Variants in COL25A1 observed in about 807,000 individuals in gnomAD.
The protein encoded by COL25A1 is collagen type XXV alpha 1 chain.
COL25A1 carries 103 observed loss-of-function variants against 128.4 expected under a neutral mutation model. The ratio of observed to expected loss-of-function variants is 0.80; its 90% confidence interval spans 0.68 to 0.94. The LOEUF (loss-of-function observed/expected upper bound fraction) is 0.94, where lower values mean the gene tolerates loss of function less well. COL25A1 is among the 40% of genes least tolerant of loss of function. COL25A1 has a pLI of 0.00. For missense variants in COL25A1, 745 were observed against 840.0 expected, an observed-to-expected ratio of 0.89 and a Z score of 1.40; for synonymous variants, 279 against 277.2, an observed-to-expected ratio of 1.01 and a Z score of -0.06.
At chr4:108,818,858 C>T (rs960895177) in intron 36 of COL25A1, among the ~76,000 whole-genome samples, 4 of 109,572 alleles carry the variant, frequency 3.7e-5, no homozygotes, top group Non-Finnish European at 8.7e-5. Flanking sequence ...GGCAGAAATA[C>T]CTTTTTTTTT....
chr4:109,183,045 A>T (rs1774813148), intron 3 of COL25A1, among the ~76,000 whole-genome samples: 1 of 152,090 alleles, frequency 6.6e-6, no homozygotes, highest in Non-Finnish European at 1.5e-5. Flanking sequence ...AAATATTTTA[A>T]ACTAGGATTA....
chr4:109,108,165 T>A (rs1440360704), intron 3 of COL25A1, among the ~76,000 whole-genome samples: 1 of 152,216 alleles, frequency 6.6e-6, no homozygotes. Context: ...TATCTCCTAA[T>A]GCTATCCCTT....
chr4:109,110,128 G>C (rs188086100), intron 3 of COL25A1, among the ~76,000 whole-genome samples: 2 of 152,186 alleles, frequency 1.3e-5, no homozygotes, highest in African/African-American at 4.8e-5. Flanking sequence ...TAGTACAGGA[G>C]GGATGTTCAA....
At chr4:109,264,294 G>A (rs1781647664) in intron 3 of COL25A1, among the ~76,000 whole-genome samples, 1 of 152,218 alleles carries the variant, frequency 6.6e-6, no homozygotes, top group Non-Finnish European at 1.5e-5. Context: ...ACCTCAGCCT[G>A]TTAGCCATGC....
chr4:109,004,807 C>T (rs139344124), intron 6 of COL25A1, among the ~76,000 whole-genome samples: 398 of 152,254 alleles, frequency 2.6e-3, no homozygotes, highest in African/African-American at 9.2e-3. Context: ...GCCTGCAGTA[C>T]CGTGAGCCAG....
chr4:109,093,505 T>C (rs2126011847), intron 3 of COL25A1, among the ~76,000 whole-genome samples: 1 of 147,700 alleles, frequency 6.8e-6, no homozygotes, highest in Non-Finnish European at 1.5e-5. Flanking sequence ...ACTGTGGTGG[T>C]GTGCCTCTGT....
chr4:108,868,829 G>C (rs1738293988), intron 20 of COL25A1, among the ~76,000 whole-genome samples: 1 of 142,218 alleles, frequency 7.0e-6, no homozygotes, highest in Non-Finnish European at 1.5e-5. Flanking sequence ...AGGAAGGAAG[G>C]AATGAAGGAA....
chr4:109,167,516 A>C (rs1355963892), intron 3 of COL25A1, among the ~76,000 whole-genome samples: 4 of 152,172 alleles, frequency 2.6e-5, no homozygotes, highest in Non-Finnish European at 5.9e-5. Flanking sequence ...TATCATTATG[A>C]CATTTCTCTC....
intron 32 of COL25A1, among the ~76,000 whole-genome samples, chr4:108,830,777 C>T (rs552705381): frequency 5.2e-5 from 8 of 152,384 alleles, no homozygotes; most frequent in Middle Eastern, 3.4e-3. Context: ...ACGGTAAACC[C>T]TCTTGAGCCC....
At chr4:109,249,201 CA>C (rs1780485141) in intron 3 of COL25A1, among the ~76,000 whole-genome samples, 1 of 152,168 alleles carries the variant, frequency 6.6e-6, no homozygotes, top group South Asian at 2.1e-4. Context: ...TAAATTCTTA[CA>C]GCACTCTATT....
At chr4:109,224,616 G>A (rs1778659447) in intron 3 of COL25A1, among the ~76,000 whole-genome samples, 2 of 152,122 alleles carry the variant, frequency 1.3e-5, no homozygotes, top group African/African-American at 4.8e-5. Context: ...CAGTAGAAGA[G>A]TGATTCTCAA....
At chr4:109,138,332 C>T (rs1394057908) in intron 3 of COL25A1, among the ~76,000 whole-genome samples, 1 of 152,192 alleles carries the variant, frequency 6.6e-6, no homozygotes, top group Non-Finnish European at 1.5e-5. Context: ...TTTTTCATCA[C>T]TGCATAGTAT....
intron 21 of COL25A1, 130 bp downstream of exon 21, chr4:108,863,189 G>C (rs1432775784): frequency 1.2e-6 from 1 of 826,106 alleles, no homozygotes; most frequent in Non-Finnish European, 2.0e-6. Flanking sequence ...GAACCAGTTG[G>C]TGTGCATTTC....
chr4:108,976,136 A>G (rs981231606), intron 6 of COL25A1, among the ~76,000 whole-genome samples: 1 of 152,114 alleles, frequency 6.6e-6, no homozygotes, highest in East Asian at 1.9e-4. Context: ...GCCTACTTCA[A>G]TGTCATAAAG....
intron 20 of COL25A1, 39 bp downstream of exon 20, chr4:108,869,049 G>A: frequency 7.7e-7 from 1 of 1,300,240 alleles, no homozygotes; most frequent in African/African-American, 1.5e-5. Context: ...AAGAAAGAAA[G>A]AAAAAGAAAG....
chr4:109,081,918 G>A (rs1763872531), intron 3 of COL25A1, among the ~76,000 whole-genome samples: 1 of 152,022 alleles, frequency 6.6e-6, no homozygotes, highest in Admixed American at 6.6e-5. Context: ...TAGCCAGGCT[G>A]GTCTCGAACT....
intron 3 of COL25A1, among the ~76,000 whole-genome samples, chr4:109,067,282 C>A (rs1247774751): frequency 6.6e-6 from 1 of 152,156 alleles, no homozygotes; most frequent in African/African-American, 2.4e-5. Context: ...TTTCATCTGA[C>A]TCACTATAGA....
chr4:108,868,526 G>GA (rs1738218891), intron 20 of COL25A1, among the ~76,000 whole-genome samples: 1 of 85,868 alleles, frequency 1.2e-5, no homozygotes, highest in African/African-American at 4.4e-5. Flanking sequence ...GAGAGAGGAA[G>GA]AAAAGAAAGA....
At chr4:108,984,426 C>T (rs745914705) in intron 6 of COL25A1, among the ~76,000 whole-genome samples, 9 of 152,142 alleles carry the variant, frequency 5.9e-5, no homozygotes, top group African/African-American at 9.7e-5. Context: ...TGGGACTGGG[C>T]GCCCTAGAGC....
Sources: allele counts gnomAD v4.1 joint callset (sites outside exome capture counted in the v4.1 genomes callset), GRCh38; gene constraint gnomAD v4.1.1; transcripts MANE v1.5; gene names NCBI Gene and HGNC (gene_info 2026-07-23, HGNC 2026-07-21).